The following LRBA variants were observed in gnomAD, a reference collection of about 807,000 sequenced individuals.
LRBA encodes lipopolysaccharide-responsive and beige-like anchor protein.
Under a neutral mutation model 330.0 loss-of-function variants are expected in LRBA, and 176 were observed. The observed-to-expected ratio is 0.53, with a 90% CI of 0.47 to 0.60. LRBA has a LOEUF of 0.60. Ranked by LOEUF, LRBA falls within the 20% of genes least tolerant of loss-of-function variation. The pLI, the probability that LRBA is intolerant of heterozygous loss-of-function variation, is 0.00. For synonymous variants in LRBA, 1,230 were observed against 1,193.0 expected (o/e 1.03, Z -0.64); for missense variants, 3,259 against 3,444.8 (o/e 0.95, Z 1.35).
chr4:150,582,834 G>A, intron 40 of LRBA: 1 of 529,782 alleles, frequency 1.9e-6, no homozygotes, highest in Non-Finnish European at 3.2e-6. Context: ...AAGAGGTTTC[G>A]AAAGAGGGAA....
At chr4:150,876,731 T>C (rs201323891) in intron 17 of LRBA, among the ~76,000 whole-genome samples, 16 of 152,260 alleles carry the variant, frequency 1.1e-4, no homozygotes, top group Non-Finnish European at 1.9e-4. Flanking sequence ...CACGGAAATG[T>C]AAGAACAACA....
At chr4:150,464,942 G>C (rs573588344) in intron 44 of LRBA, among the ~76,000 whole-genome samples, 1 of 152,000 alleles carries the variant, frequency 6.6e-6, no homozygotes, top group Admixed American at 6.6e-5. Flanking sequence ...CAGTTCGGTA[G>C]TATTAAATAC....
intron 47 of LRBA, among the ~76,000 whole-genome samples, chr4:150,353,059 C>A (rs963463089): frequency 2.6e-5 from 4 of 152,198 alleles, no homozygotes; most frequent in Admixed American, 2.0e-4. Context: ...AGGGAAGGAC[C>A]TATGCATATC....
chr4:150,726,074 GA>G (rs1729627048), intron 36 of LRBA, among the ~76,000 whole-genome samples: 2 of 151,918 alleles, frequency 1.3e-5, no homozygotes, highest in African/African-American at 4.8e-5. Context: ...GACAAGGAAA[GA>G]AAAAAGGAAG....
At chr4:150,427,778 G>C (rs185007252) in intron 46 of LRBA, among the ~76,000 whole-genome samples, 129 of 152,016 alleles carry the variant, frequency 8.5e-4, no homozygotes, top group African/African-American at 2.8e-3. Context: ...CGAAGTTTAA[G>C]TTTTTTAAAA....
In LRBA at chr4:150,726,153, T is replaced by C. The variant is rs140689629; in HGVS notation, c.5754+9105A>G. Among the ~76,000 whole-genome samples, 624 of 152,246 alleles carry C rather than the reference T, an allele frequency of 4.1e-3. 5 individuals carry two copies. Among genetic ancestry groups the C allele is most frequent in the African/African-American group, 0.014 (587 of 41,556 alleles). On this transcript the variant is annotated intron_variant, in intron 36 of 56. Coordinates refer to ENST00000651943, the MANE Select transcript of LRBA (RefSeq NM_001364905.1). ...GTAGTAAGTCTCTACTTATCAATAA[T>C]AACATTAAATGTAAATGGACTAAAC...
chr4:150,951,339 T>C (rs942324869), intron 2 of LRBA, among the ~76,000 whole-genome samples: 1 of 151,818 alleles, frequency 6.6e-6, no homozygotes, highest in Non-Finnish European at 1.5e-5. Flanking sequence ...AGTTCTCCAC[T>C]GACAGTCTAC....
intron 51 of LRBA, 61 bp from the exon 52 acceptor site, chr4:150,310,445 G>A: frequency 9.1e-7 from 1 of 1,099,472 alleles, no homozygotes; most frequent in Non-Finnish European, 1.4e-6. Flanking sequence ...ATTCTATAGT[G>A]AGGGAGAAGA....
intron 36 of LRBA, among the ~76,000 whole-genome samples, chr4:150,725,263 C>G (rs1283469525): frequency 6.6e-6 from 1 of 151,936 alleles, no homozygotes; most frequent in Non-Finnish European, 1.5e-5. Flanking sequence ...GCTTATAGAA[C>G]AGCAAGCAGA....
Position 150,277,875 on chromosome 4 carries a change from T to C in LRBA, c.8446A>G (p.Met2816Val), listed in dbSNP as rs1276578449. The change falls in exon 56 of 57, where the codon ATG becomes GTG. Residue 2816 changes from methionine to valine, a missense_variant. Met to Val is a conservative substitution (Grantham distance 21, BLOSUM62 1). Transcript: ENST00000651943. ...TACCTCTGGTCGTAAGACAGCGCCA[T>C]GGCCCGGATTCCAGCGTCACATCCT... is the stretch of plus-strand genomic sequence containing the variant. ...YPGCDAGIRAMALSYDQRCII... is the reference protein window; with the variant it reads ...YPGCDAGIRAVALSYDQRCII... 12 of 1,614,120 alleles carry C rather than the reference T, an allele frequency of 7.4e-6. No individual in the cohort carries two copies. The Admixed American group carries it at 1.7e-4, about 22-fold the overall frequency.
At chr4:151,003,811 A>C (rs932882363) in intron 2 of LRBA, among the ~76,000 whole-genome samples, 7 of 151,996 alleles carry the variant, frequency 4.6e-5, no homozygotes, top group Non-Finnish European at 1.0e-4. Context: ...AGAAAAGAAA[A>C]AACCAACACA....
At position 150,828,440 on chromosome 4, in the gene LRBA, G is replaced by A. The variant is rs565094363; in HGVS notation, c.4911C>T (p.Ile1637=). ...PPGVSAGPDA[I]SEVLSTLSLE... Reference sequence around the variant, plus strand: ...AAGAAAGAGTAGATAGCACCTCGCTGATTGCATCTGGGCCTGCACTGACAC... The same window carrying A: ...AAGAAAGAGTAGATAGCACCTCGCTAATTGCATCTGGGCCTGCACTGACAC... Residue 1637 remains isoleucine (I), a synonymous_variant, in exon 30 of 57, where the codon ATC becomes ATT. Coordinates refer to ENST00000651943, the MANE Select transcript of LRBA (RefSeq NM_001364905.1). The A allele has an allele frequency of 8.9e-5, 144 of 1,614,156 alleles. No homozygotes were observed. The South Asian group carries it at 1.5e-3, about 17-fold the overall frequency.
intron 44 of LRBA, among the ~76,000 whole-genome samples, chr4:150,439,192 T>C (rs770808904): frequency 2.0e-5 from 3 of 152,206 alleles, no homozygotes; most frequent in African/African-American, 7.2e-5. Flanking sequence ...GCTCCTTTTG[T>C]ATGGTCTGAA....
At chr4:150,373,124 C>CGTGTGTGTGTGT (rs70937397) in intron 47 of LRBA, among the ~76,000 whole-genome samples, 7 of 96,368 alleles carry the variant, frequency 7.3e-5, no homozygotes, top group South Asian at 4.0e-4. Context: ...ACTACAATCT[C>CGTGTGTGTGTGT]GTGTGTGTGT....
At chr4:150,386,896 T>C (rs1257832177) in intron 47 of LRBA, among the ~76,000 whole-genome samples, 1 of 152,166 alleles carries the variant, frequency 6.6e-6, no homozygotes, top group Non-Finnish European at 1.5e-5. Flanking sequence ...TGTAAGAGCA[T>C]TCCTTTTTCT....
chr4:150,544,565 G>A lies in LRBA; in HGVS notation c.6330+43483C>T, dbSNP rs535892955. Among the ~76,000 whole-genome samples, 6 of 152,140 alleles carry A rather than the reference G, an allele frequency of 3.9e-5. No homozygotes were observed. The East Asian group carries it at 9.7e-4, about 25-fold the overall frequency. On this transcript the variant is annotated intron_variant, in intron 40 of 56. Transcript: ENST00000651943. ...TCCCTGACCCCCAAATAGATTCAGT[G>A]CCCAGATATACATTTCCATGCTACT...
At chr4:150,452,426 A>G (rs1252182725) in intron 44 of LRBA, among the ~76,000 whole-genome samples, 1 of 152,168 alleles carries the variant, frequency 6.6e-6, no homozygotes, top group Non-Finnish European at 1.5e-5. Context: ...GATGGAGACC[A>G]TCCTGGCCAG....
chr4:150,301,349 T>G (rs1729651151), intron 53 of LRBA, among the ~76,000 whole-genome samples: 1 of 152,078 alleles, frequency 6.6e-6, no homozygotes, highest in South Asian at 2.1e-4. Context: ...ATACACACAC[T>G]ACAATTTGAT....
At chr4:150,901,302 A>C (rs1206334409) in intron 13 of LRBA, among the ~76,000 whole-genome samples, 3 of 66,164 alleles carry the variant, frequency 4.5e-5, no homozygotes, top group African/African-American at 7.9e-5. Context: ...CTCAAAAAAA[A>C]CAAATTTTTT....
Sources: allele counts gnomAD v4.1 joint callset (sites outside exome capture counted in the v4.1 genomes callset), GRCh38; gene constraint gnomAD v4.1.1; transcripts MANE v1.5; gene names NCBI Gene and HGNC (gene_info 2026-07-23, HGNC 2026-07-21).